Variants in KIF5C observed in about 807,000 individuals in gnomAD.
KIF5C encodes the protein kinesin heavy chain isoform 5C.
KIF5C carries 18 observed loss-of-function variants against 125.2 expected under a neutral mutation model. The ratio of observed to expected loss-of-function variants is 0.14; its 90% confidence interval spans 0.10 to 0.21. KIF5C has a LOEUF of 0.21. Ranked by LOEUF, KIF5C falls within the 10% of genes least tolerant of loss-of-function variation. KIF5C has a pLI of 1.00. For synonymous variants in KIF5C, 405 were observed against 434.0 expected (o/e 0.93, Z 0.83); for missense variants, 780 against 1,183.8 (o/e 0.66, Z 5.01).
At chr2:148,988,790 G>A (rs1345261229) in intron 15 of KIF5C, among the ~76,000 whole-genome samples, 1 of 152,222 alleles carries the variant, frequency 6.6e-6, no homozygotes, top group Non-Finnish European at 1.5e-5. Context: ...ATAGTGAGGA[G>A]TGGTTTTGGT....
At chr2:148,978,334 GTTTTTT>G (rs71406035) in intron 12 of KIF5C, among the ~76,000 whole-genome samples, 2,100 of 78,652 alleles carry the variant, frequency 0.027, 77 homozygotes, top group African/African-American at 0.087. Context: ...CTGCCCTGAG[GTTTTTT>G]TTTTTTTTTT....
chr2:148,885,130 C>T (rs1681479808), intron 1 of KIF5C, among the ~76,000 whole-genome samples: 1 of 152,102 alleles, frequency 6.6e-6, no homozygotes, highest in Non-Finnish European at 1.5e-5. Context: ...GGATTACAGG[C>T]GCGTGCCATC....
At chr2:148,909,729 G>A (rs577019002) in intron 1 of KIF5C, among the ~76,000 whole-genome samples, 9 of 152,256 alleles carry the variant, frequency 5.9e-5, no homozygotes, top group African/African-American at 1.7e-4. Context: ...GGAAAATAAC[G>A]TTTCTCTGCT....
rs1009915500 is a variant in KIF5C, at chr2:149,024,422, C to T, written c.*1352C>T. On this transcript the variant is annotated 3_prime_UTR_variant, in exon 26 of 26. Coordinates refer to ENST00000435030, the MANE Select transcript of KIF5C (RefSeq NM_004522.3). ...TGTGTGCCCAAGATGAGTGAGCTGG[C>T]ACTGTGCCCTGAAGCTTTCACCACT... is the stretch of plus-strand genomic sequence containing the variant. The T allele has an allele frequency of 2.0e-5, 3 of 152,286 alleles. No individual in the cohort carries two copies. Among genetic ancestry groups the T allele is most frequent in the African/African-American group, 7.3e-5 (3 of 41,332 alleles). 9.4% of individuals were successfully genotyped at this position (152,286 alleles called of 1,614,324 possible).
intron 10 of KIF5C, among the ~76,000 whole-genome samples, chr2:148,955,819 CAG>C (rs1417555153): frequency 6.6e-6 from 1 of 152,122 alleles, no homozygotes; most frequent in African/African-American, 2.4e-5. Context: ...TCACACATGA[CAG>C]ATTTATTCTG....
chr2:148,976,571 T>C lies in KIF5C; in HGVS notation c.1294-2351T>C, dbSNP rs114587643. On this transcript the variant is annotated intron_variant, in intron 12 of 25. Coordinates refer to ENST00000435030, the MANE Select transcript of KIF5C (RefSeq NM_004522.3). ...GCCTGAGCCACCACGCCTGGCCGCA[T>C]GTTATTTTTTTTTTAATTTTTGAGA... is the stretch of plus-strand genomic sequence containing the variant. Among the ~76,000 whole-genome samples the C allele has an allele frequency of 7.3e-3, 1,114 of 151,566 alleles. 19 individuals are homozygous for C. Among genetic ancestry groups the C allele is most frequent in the African/African-American group, 0.026 (1,074 of 41,278 alleles).
intron 3 of KIF5C, among the ~76,000 whole-genome samples, chr2:148,934,390 C>T (rs556619903): frequency 6.6e-6 from 1 of 151,556 alleles, no homozygotes; most frequent in African/African-American, 2.4e-5. Context: ...CCCCCACATA[C>T]ATCATACACA....
At chr2:149,020,045 G>A (rs1418731492) in intron 25 of KIF5C, 1 of 152,202 alleles carries the variant, frequency 6.6e-6, no homozygotes, top group Non-Finnish European at 1.5e-5. Flanking sequence ...AGAGTCAACA[G>A]GACTGGGTTT....
At chr2:148,917,430 C>CA (rs1257735804) in intron 1 of KIF5C, among the ~76,000 whole-genome samples, 1 of 152,174 alleles carries the variant, frequency 6.6e-6, no homozygotes, top group Non-Finnish European at 1.5e-5. Context: ...CAGTTATTTC[C>CA]CCTAAGTAAT....
intron 17 of KIF5C, among the ~76,000 whole-genome samples, chr2:148,996,455 G>A (rs1195491635): frequency 6.6e-6 from 1 of 152,218 alleles, no homozygotes; most frequent in East Asian, 1.9e-4. Context: ...TCTTGCATCC[G>A]GTGGTTCCTG....
chr2:148,930,253 A>G (rs1378344276), intron 3 of KIF5C, among the ~76,000 whole-genome samples: 1 of 152,062 alleles, frequency 6.6e-6, no homozygotes, highest in African/African-American at 2.4e-5. Flanking sequence ...TGGCTGTGGA[A>G]TTTTGTGGCT....
chr2:148,920,312 ACT>A (rs1190617127), intron 1 of KIF5C, among the ~76,000 whole-genome samples: 1 of 152,046 alleles, frequency 6.6e-6, no homozygotes, highest in Admixed American at 6.5e-5. Context: ...ACCCAGACAA[ACT>A]CTGCAAATAT....
At chr2:148,909,229 C>A (rs913511867) in intron 1 of KIF5C, among the ~76,000 whole-genome samples, 3 of 152,230 alleles carry the variant, frequency 2.0e-5, no homozygotes, top group Non-Finnish European at 4.4e-5. Flanking sequence ...CATCAGCCCA[C>A]TTTCCAGCAG....
intron 10 of KIF5C, among the ~76,000 whole-genome samples, chr2:148,960,463 A>AG (rs1196417574): frequency 2.6e-5 from 4 of 152,270 alleles, no homozygotes; most frequent in Non-Finnish European, 5.9e-5. Context: ...TCAGGAGGAG[A>AG]GGTGAGAGTG....
In KIF5C at chr2:149,025,926, G is replaced by C. The variant is rs1682676449; in HGVS notation, c.*2856G>C. 1 of 152,624 alleles carries C rather than the reference G, an allele frequency of 6.6e-6. No individual in the cohort carries two copies. The highest frequency in any genetic ancestry group is 1.5e-5 in the Non-Finnish European group (1 of 68,048). The allele number at this position is 152,624 out of a possible 1,614,324, so 9.5% of individuals were successfully genotyped here. ...CAGTTTCGCGTTAAGACTTTTAAAG[G>C]AAATAGAATCGTGATTAAGAAATCA... On this transcript the variant is annotated 3_prime_UTR_variant, in exon 26 of 26. Coordinates refer to ENST00000435030, the MANE Select transcript of KIF5C (RefSeq NM_004522.3).
chr2:149,000,292 C>T (rs1224057397), intron 19 of KIF5C, 131 bp from the exon 20 acceptor site: 4 of 1,186,112 alleles, frequency 3.4e-6, no homozygotes, highest in Non-Finnish European at 4.6e-6. Flanking sequence ...TCTGTGATCC[C>T]TCCAAATCCT....
At chr2:148,937,426 G>A in intron 4 of KIF5C, 38 bp downstream of exon 4, 4 of 1,546,844 alleles carry the variant, frequency 2.6e-6, no homozygotes, top group Non-Finnish European at 2.6e-6. Context: ...AAGACACTGG[G>A]CCCCAGATAA....
rs528064821 is a variant in KIF5C, at chr2:149,002,782, C to T, written c.2373+2000C>T. On this transcript the variant is annotated intron_variant, in intron 21 of 25. Coordinates refer to ENST00000435030, the MANE Select transcript of KIF5C (RefSeq NM_004522.3). Reference sequence around the variant, plus strand: ...ACAACCACCTCCGTTCACAGGCACACTCATTTCCATGCTCACGGACTCACA... The same window carrying T: ...ACAACCACCTCCGTTCACAGGCACATTCATTTCCATGCTCACGGACTCACA... 1.1e-4 allele frequency among the ~76,000 whole-genome samples: 16 copies of T among 152,362 alleles called. No individual in the cohort carries two copies. In the East Asian group the frequency reaches 2.9e-3, roughly 28 times the overall value.
intron 18 of KIF5C, chr2:148,997,962 C>G (rs1681729099): frequency 5.9e-6 from 1 of 170,800 alleles, no homozygotes; most frequent in Admixed American, 5.6e-5. Flanking sequence ...GCCAAAAGGT[C>G]TCCTTTGGAC....
Sources: allele counts gnomAD v4.1 joint callset (sites outside exome capture counted in the v4.1 genomes callset), GRCh38; gene constraint gnomAD v4.1.1; transcripts MANE v1.5; gene names NCBI Gene and HGNC (gene_info 2026-07-23, HGNC 2026-07-21).